Variants in GNA13 observed in about 807,000 individuals in gnomAD.
GNA13 encodes G protein subunit alpha 13.
GNA13 carries 4 observed loss-of-function variants against 33.5 expected under a neutral mutation model. That is an observed-to-expected ratio of 0.12 (90% CI 0.06 to 0.27). The LOEUF is 0.27. Ranked by LOEUF, GNA13 falls within the 10% of genes least tolerant of loss-of-function variation. The pLI is 1.00. For missense variants in GNA13, 319 were observed against 487.2 expected (o/e 0.65, Z 3.25); for synonymous variants, 176 against 183.8 (o/e 0.96, Z 0.34).
At chr17:65,041,132 A>C (rs1907437387) in intron 2 of GNA13, among the ~76,000 whole-genome samples, 1 of 152,214 alleles carries the variant, frequency 6.6e-6, no homozygotes, top group Non-Finnish European at 1.5e-5. Flanking sequence ...AGACTAAGAA[A>C]ACAGTAACCA....
intron 2 of GNA13, among the ~76,000 whole-genome samples, chr17:65,025,660 A>T (rs12936670): frequency 6.6e-6 from 1 of 152,038 alleles, no homozygotes; most frequent in Non-Finnish European, 1.5e-5. Context: ...TGATAGGTAA[A>T]TAAGCAATTA....
chr17:65,027,714 G>C (rs1025120243), intron 2 of GNA13, among the ~76,000 whole-genome samples: 1 of 152,118 alleles, frequency 6.6e-6, no homozygotes, highest in African/African-American at 2.4e-5. Flanking sequence ...TTGAAACTAG[G>C]AACACTGACA....
intron 2 of GNA13, among the ~76,000 whole-genome samples, chr17:65,024,146 G>C (rs961595227): frequency 6.6e-6 from 1 of 152,160 alleles, no homozygotes; most frequent in African/African-American, 2.4e-5. Flanking sequence ...CCAACTACTA[G>C]GGAGGGTGAG....
At chr17:65,028,305 AG>A (rs1373288936) in intron 2 of GNA13, among the ~76,000 whole-genome samples, 1 of 149,148 alleles carries the variant, frequency 6.7e-6, no homozygotes, top group East Asian at 2.1e-4. Context: ...CTTGGGAGGG[AG>A]GTTGAGGCAG....
At position 65,010,827 on chromosome 17, in the gene GNA13, A is replaced by G. The variant is rs1173262618; in HGVS notation, c.*3430T>C. 2.4e-5 allele frequency: 5 copies of G among 210,538 alleles called. No individual in the cohort carries two copies. The highest frequency in any genetic ancestry group is 4.5e-5 in the African/African-American group (2 of 44,152). The allele number at this position is 210,538 out of a possible 1,614,324, so 13.0% of individuals were successfully genotyped here. ...CTGATATTTAGCCTTCTCATGACAT[A>G]CACAGAAATAACATTGCTACAAACT... On this transcript the variant is annotated 3_prime_UTR_variant, in exon 4 of 4. Coordinates refer to ENST00000439174, the MANE Select transcript of GNA13 (RefSeq NM_006572.6).
At chr17:65,045,700 G>A (rs886243510) in intron 2 of GNA13, among the ~76,000 whole-genome samples, 6 of 152,006 alleles carry the variant, frequency 3.9e-5, no homozygotes, top group African/African-American at 9.7e-5. Context: ...CACTTATATC[G>A]TTACTATAAT....
chr17:65,014,920 C>A lies in GNA13; in HGVS notation c.562-91G>T. 1 of 701,494 alleles carries A rather than the reference C, an allele frequency of 1.4e-6. No individual in the cohort carries two copies. The highest frequency in any genetic ancestry group is 2.4e-6 in the Non-Finnish European group (1 of 411,256). 43.5% of individuals were successfully genotyped at this position (701,494 alleles called of 1,614,324 possible). A position where few individuals can be genotyped will look rare whatever the true frequency, so the allele number is the denominator to read the frequency against. ...CTAACTGGACTAGTGAATAGATATG[C>A]AAACAAAATGATCTTTTAAGTGACA... On this transcript the variant is annotated intron_variant, in intron 3 of 3. Coordinates refer to ENST00000439174, the MANE Select transcript of GNA13 (RefSeq NM_006572.6). The surrounding 1 kb of genome is among the most constrained non-coding windows in gnomAD (Gnocchi z 5.3).
rs9892247 is a variant in GNA13 at position 65,048,742 on chromosome 17, T to C, written c.510+4760A>G. Among the ~76,000 whole-genome samples, 1,077 of 152,324 alleles carry C rather than the reference T, an allele frequency of 7.1e-3. 14 individuals are homozygous for C. The highest frequency in any genetic ancestry group is 0.025 in the African/African-American group (1,024 of 41,570). On this transcript the variant is annotated intron_variant, in intron 2 of 3. Coordinates refer to ENST00000439174, the MANE Select transcript of GNA13 (RefSeq NM_006572.6). ...TGTGTTATCAACACCCTATCCCTTG[T>C]CCCGAAAATTGATTAAAGGGCAGTT...
At chr17:65,032,640 C>G (rs972118113) in intron 2 of GNA13, among the ~76,000 whole-genome samples, 2 of 152,182 alleles carry the variant, frequency 1.3e-5, no homozygotes. Flanking sequence ...ATACAAAACT[C>G]TCCTCCTGGT....
chr17:65,044,526 G>A (rs1021133329), intron 2 of GNA13, among the ~76,000 whole-genome samples: 5 of 151,966 alleles, frequency 3.3e-5, no homozygotes, highest in African/African-American at 1.2e-4. Flanking sequence ...AGCCAGGCAC[G>A]GTGGTGGCTC....
In GNA13 at chr17:65,045,474, C is replaced by T. The variant is rs1390451727; in HGVS notation, c.510+8028G>A. 2.8e-5 allele frequency among the ~76,000 whole-genome samples: 4 copies of T among 140,884 alleles called. No homozygotes were observed. In the South Asian group the frequency reaches 7.2e-4, roughly 25 times the overall value. 92.4% of individuals were successfully genotyped at this position (140,884 alleles called of 152,430 possible). A position where few individuals can be genotyped will look rare whatever the true frequency, so the allele number is the denominator to read the frequency against. Reference sequence around the variant, plus strand: ...AGATGCAATGAGCTGGGATCAGGCACTCCAGCCTGGGCAACAGATCAAGAC... The same window carrying T: ...AGATGCAATGAGCTGGGATCAGGCATTCCAGCCTGGGCAACAGATCAAGAC... On this transcript the variant is annotated intron_variant, in intron 2 of 3. Coordinates refer to ENST00000439174, the MANE Select transcript of GNA13 (RefSeq NM_006572.6).
chr17:65,056,248 CGCACCCGCCGCCGCCCCAG>C (rs1908052894), intron 1 of GNA13, 44 bp downstream of exon 1: 39 of 1,063,884 alleles, frequency 3.7e-5, no homozygotes, highest in Non-Finnish European at 4.7e-5. Context: ...TGCCCCGCCC[CGCACCCGCCGCCGCCCCAG>C]CCCCCCTGCC....
chr17:65,024,572 C>T (rs985717058), intron 2 of GNA13, among the ~76,000 whole-genome samples: 10 of 152,188 alleles, frequency 6.6e-5, no homozygotes, highest in African/African-American at 2.4e-4. Flanking sequence ...TACTATCTGA[C>T]CCTTTACACA....
rs552929115 is a variant in GNA13 at position 65,022,659 on chromosome 17, T to C, written c.511-4356A>G. On this transcript the variant is annotated intron_variant, in intron 2 of 3. Transcript: ENST00000439174. ...AAACAAAAACAAAACACATGCAAAA[T>C]TTTAAAATGGAATAGCTTATCACTG... Among the ~76,000 whole-genome samples the C allele has an allele frequency of 3.3e-5, 5 of 152,262 alleles. No homozygotes were observed. The East Asian group carries it at 7.7e-4, about 23-fold the overall frequency.
chr17:65,041,115 T>A (rs886345303), intron 2 of GNA13, among the ~76,000 whole-genome samples: 3 of 152,208 alleles, frequency 2.0e-5, no homozygotes, highest in African/African-American at 7.2e-5. Flanking sequence ...AATAATTTTT[T>A]AAAAAGAGAC....
intron 2 of GNA13, among the ~76,000 whole-genome samples, chr17:65,042,145 G>C (rs1312363215): frequency 6.6e-6 from 1 of 152,080 alleles, no homozygotes; most frequent in African/African-American, 2.4e-5. Context: ...GGTCACCTGA[G>C]GTCAGGAGTT....
chr17:65,038,465 T>C (rs1907340699), intron 2 of GNA13, among the ~76,000 whole-genome samples: 1 of 151,858 alleles, frequency 6.6e-6, no homozygotes, highest in Admixed American at 6.6e-5. Flanking sequence ...CAGGCTTGAG[T>C]ACAGTGGCAT....
chr17:65,023,984 G>A (rs1298344068), intron 2 of GNA13, among the ~76,000 whole-genome samples: 1 of 152,166 alleles, frequency 6.6e-6, no homozygotes, highest in African/African-American at 2.4e-5. Context: ...TGGCACGGTG[G>A]CTCACACTGT....
At position 65,014,120 on chromosome 17, in the gene GNA13, G is replaced by C; in HGVS notation, c.*137C>G. The C allele has an allele frequency of 1.6e-6, 1 of 621,278 alleles. No homozygotes were observed. Among genetic ancestry groups the C allele is most frequent in the South Asian group, 2.2e-5 (1 of 45,914 alleles). 38.5% of individuals were successfully genotyped at this position (621,278 alleles called of 1,614,324 possible). A position where few individuals can be genotyped will look rare whatever the true frequency, so the allele number is the denominator to read the frequency against. On this transcript the variant is annotated 3_prime_UTR_variant, in exon 4 of 4. Transcript: ENST00000439174. The surrounding 1 kb of genome is among the most constrained non-coding windows in gnomAD (Gnocchi z 5.3). ...CCACAAACCAAAGGCCGCAGAAAAAGTACTAAGATTTTCAAGAAGTTAAAC... is the reference window on the plus strand; with the variant it reads ...CCACAAACCAAAGGCCGCAGAAAAACTACTAAGATTTTCAAGAAGTTAAAC...
Sources: allele counts gnomAD v4.1 joint callset (sites outside exome capture counted in the v4.1 genomes callset), GRCh38; gene constraint gnomAD v4.1.1; non-coding constraint Gnocchi (gnomAD v3.1); transcripts MANE v1.5; gene names NCBI Gene and HGNC (gene_info 2026-07-23, HGNC 2026-07-21).